AHNAK2: variants seen among roughly 807,000 people sequenced by gnomAD.
AHNAK2 encodes protein AHNAK2.
A neutral mutation model predicts 30.7 loss-of-function variants in AHNAK2; 18 were observed. The ratio of observed to expected loss-of-function variants is 0.59; its 90% CI spans 0.41 to 0.87. The LOEUF (loss-of-function observed/expected upper bound fraction) is 0.87. Among genes scored for constraint, AHNAK2 ranks in the 40% least tolerant of loss-of-function variants. The pLI, the probability that AHNAK2 is intolerant of heterozygous loss-of-function variation, is 0.00. For synonymous variants in AHNAK2, 3,590 were observed against 3,073.8 expected (o/e 1.17, Z -5.56); for missense variants, 8,604 against 7,373.0 (o/e 1.17, Z -6.11).
At chr14:104,965,401 C>CAAAAAAAAAAAAAAAAAAAAAAAAAAAA (rs397853385) in intron 1 of AHNAK2, among the ~76,000 whole-genome samples, 1 of 85,520 alleles carries the variant, frequency 1.2e-5, no homozygotes, top group Non-Finnish European at 2.3e-5. Flanking sequence ...AACTCTGTCT[C>CAAAAAAAAAAAAAAAAAAAAAAAAAAAA]AAAAAAAAAA....
chr14:104,944,403 G>T lies in AHNAK2; in HGVS notation c.11048C>A (p.Thr3683Asn), dbSNP rs770525617. 3.1e-6 allele frequency: 5 copies of T among 1,612,470 alleles called. No homozygotes were observed. The highest frequency in any genetic ancestry group is 2.2e-5 in the South Asian group (2 of 91,020). Residue 3683 changes from threonine (T) to asparagine (N), a missense_variant, in exon 7 of 7, where the codon ACC becomes AAC. Coordinates refer to ENST00000333244, the MANE Select transcript of AHNAK2 (RefSeq NM_138420.4). ...SLPSMQGDLKTTDLSIQPPSA... is the reference protein window; with the variant it reads ...SLPSMQGDLKNTDLSIQPPSA... The stretch of plus-strand genomic sequence containing the variant: ...AGGGGGCTGAATGCTGAGGTCAGTG[G>T]TCTTCAGGTCCCCCTGCATGGAGGG...
Position 104,946,368 on chromosome 14 carries a change from A to T in AHNAK2, c.9083T>A (p.Ile3028Asn), listed in dbSNP as rs371504680. 6.2e-7 allele frequency: 1 copy of T among 1,611,808 alleles called. No homozygotes were observed. The highest frequency in any genetic ancestry group is 1.3e-5 in the African/African-American group (1 of 74,394). ...CTCCAGTTGGGCAGAGGGGGGCTCA[A>T]TGCTGATGTCAGTGGTCTTCAGGTC... ...QGDLKTTDIS[I>N]EPPSAQLEVQ... is the part of the protein sequence containing the mutation. Residue 3028 changes from isoleucine (I) to asparagine (N), a missense_variant, in exon 7 of 7, where the codon ATT becomes AAT. Physicochemically the swap from Ile to Asn is moderately radical, Grantham distance 149 (BLOSUM62 -3). Transcript: ENST00000333244.
At position 104,955,103 on chromosome 14, in the gene AHNAK2, T is replaced by C. The variant is rs756347067; in HGVS notation, c.505A>G (p.Ile169Val). ...LLSTTVFFEN[I>V]KYEDALKILQ... is the part of the protein sequence containing the mutation. ...ATTTTGAGAGCATCTTCATATTTTA[T>C]GTTTTCAAAGAACACGGTTGTACTG... is the stretch of plus-strand genomic sequence containing the variant. Residue 169 changes from isoleucine (I) to valine (V), a missense_variant, in exon 6 of 7, where the codon ATA becomes GTA. By Grantham distance (29) the Ile-to-Val change is conservative. Coordinates refer to ENST00000333244, the MANE Select transcript of AHNAK2 (RefSeq NM_138420.4). 1 of 1,613,146 alleles carries C rather than the reference T, an allele frequency of 6.2e-7. No homozygotes were observed. The highest frequency in any genetic ancestry group is 8.5e-7 in the Non-Finnish European group (1 of 1,179,856).
chr14:104,942,906 C>T lies in AHNAK2; in HGVS notation c.12545G>A (p.Ser4182Asn), dbSNP rs1408063646. Residue 4182 changes from serine (S) to asparagine (N), a missense_variant, in exon 7 of 7, where the codon AGC (serine) becomes AAC (asparagine). Ser to Asn is a conservative substitution (Grantham distance 46, BLOSUM62 1). Transcript: ENST00000333244. Reference protein sequence around the residue: ...MQGDLKTTDLSIQSPSADLEV... With the variant: ...MQGDLKTTDLNIQSPSADLEV... Reference sequence around the variant, plus strand: ...CAGGTCGGCGGAAGGGGACTGAATGCTGAGGTCAGTGGTCTTGAGGTCCCC... The same window carrying T: ...CAGGTCGGCGGAAGGGGACTGAATGTTGAGGTCAGTGGTCTTGAGGTCCCC... 3.7e-6 allele frequency: 6 copies of T among 1,612,924 alleles called. No individual in the cohort carries two copies. Among genetic ancestry groups the T allele is most frequent in the Non-Finnish European group, 5.1e-6 (6 of 1,179,582 alleles).
chr14:104,943,405 G>T lies in AHNAK2; in HGVS notation c.12046C>A (p.Leu4016Ile). 1 of 1,613,214 alleles carries T rather than the reference G, an allele frequency of 6.2e-7. No homozygotes were observed. Residue 4016 changes from leucine to isoleucine, a missense_variant, in exon 7 of 7, where the codon CTC becomes ATC. Leu to Ile is a conservative substitution (Grantham distance 5). Transcript: ENST00000333244. ...SMQGDLKATD[L>I]SVQPPSADLE... ...TCAGCGGAAGGGGGCTGAACGCTGA[G>T]GTCAGTGGCCTTGAGGTCCCCCTGC... is the stretch of plus-strand genomic sequence containing the variant.
Position 104,945,320 on chromosome 14 carries a change from C to G in AHNAK2, c.10131G>C (p.Pro3377=). The change falls in exon 7 of 7, where the codon CCG becomes CCC. Residue 3377 remains proline (P), a synonymous_variant. Transcript: ENST00000333244. ...CAGCTCCCTCGGGCACGTGGCCCTC[C>G]GGGAGCTTCACGTCCACCTGGCCAG... ...VQAGQVDVKL[P]EGHVPEGAGL... 6.2e-7 allele frequency: 1 copy of G among 1,610,820 alleles called. No individual in the cohort carries two copies. Among genetic ancestry groups the G allele is most frequent in the Non-Finnish European group, 8.5e-7 (1 of 1,178,778 alleles).
Position 104,949,780 on chromosome 14 carries a change from G to A in AHNAK2, c.5671C>T (p.Leu1891Phe). 3.1e-6 allele frequency: 5 copies of A among 1,587,746 alleles called. No homozygotes were observed. The highest frequency in any genetic ancestry group is 1.7e-4 in the Middle Eastern group (1 of 6,028). ...CCCTCGGGCACCTGGCCCTCCGGGA[G>A]CTTCATGTCCACTTGGCCAGCCTGG... ...VVQAGQVDMK[L>F]PEGQVPEGAG... Residue 1891 changes from leucine to phenylalanine, a missense_variant, in exon 7 of 7, where the codon CTC becomes TTC. Transcript: ENST00000333244.
chr14:104,962,087 A>T (rs1401544571), intron 1 of AHNAK2, among the ~76,000 whole-genome samples: 3 of 152,246 alleles, frequency 2.0e-5, no homozygotes, highest in Admixed American at 1.3e-4. Context: ...GGAGATTCTA[A>T]CACTCTTAGG....
chr14:104,962,476 A>G (rs142521279), intron 1 of AHNAK2, among the ~76,000 whole-genome samples: 5,488 of 152,280 alleles, frequency 0.036, 98 homozygotes, highest in Middle Eastern at 0.088. Flanking sequence ...CTCAGGCTGG[A>G]ATGCAGTGGC....
rs1898979013 is a variant in AHNAK2, at chr14:104,956,533, T to C, written c.315+55A>G. ...CTGCTCTGACCTCGGACTCTCTGGC[T>C]GGATCCCTTGAGGACCGACACACCT... is the stretch of plus-strand genomic sequence containing the variant. On this transcript the variant is annotated intron_variant, in intron 4 of 6. Coordinates refer to ENST00000333244, the MANE Select transcript of AHNAK2 (RefSeq NM_138420.4). 5.7e-6 allele frequency: 9 copies of C among 1,579,434 alleles called. No homozygotes were observed. In the South Asian group the frequency reaches 7.7e-5, roughly 14 times the overall value.
chr14:104,946,648 G>C lies in AHNAK2; in HGVS notation c.8803C>G (p.Pro2935Ala). The change falls in exon 7 of 7, where the codon CCC becomes GCC. Residue 2935 changes from proline (P) to alanine (A), a missense_variant. Physicochemically the swap from Pro to Ala is conservative, Grantham distance 27. Transcript: ENST00000333244. ...CTGGGCAGAGACACCTCCACGTCGG[G>C]GGCCGTCACCTCCGCCTTGGGGCCT... is the stretch of plus-strand genomic sequence containing the variant. ...LKGPKAEVTA[P>A]DVEVSLPSVE... is the part of the protein sequence containing the mutation. 1 of 1,612,810 alleles carries C rather than the reference G, an allele frequency of 6.2e-7. No individual in the cohort carries two copies. The highest frequency in any genetic ancestry group is 8.5e-7 in the Non-Finnish European group (1 of 1,179,678).
rs767710685 is a variant in AHNAK2, at chr14:104,943,264, T to C, written c.12187A>G (p.Lys4063Glu). 6 of 1,612,796 alleles carry C rather than the reference T, an allele frequency of 3.7e-6. No individual in the cohort carries two copies. The highest frequency in any genetic ancestry group is 2.2e-5 in the South Asian group (2 of 91,044). The stretch of plus-strand genomic sequence containing the variant: ...ATCTGGGGGCCCTTGAGGTCCACTT[T>C]GGGCATCTTGAAACTGGGCATCTGC... ...KVQMPSFKMP[K>E]VDLKGPQIDV... Residue 4063 changes from lysine (K) to glutamate (E), a missense_variant, in exon 7 of 7, where the codon AAA becomes GAA. Transcript: ENST00000333244.
rs376774117 is a variant in AHNAK2 at position 104,949,067 on chromosome 14, G to C, written c.6384C>G (p.Ala2128=). Residue 2128 remains alanine (A), a synonymous_variant, in exon 7 of 7, where the codon GCC becomes GCG. Coordinates refer to ENST00000333244, the MANE Select transcript of AHNAK2 (RefSeq NM_138420.4). ...SMEVDVQAPR[A]KLDSAHLQGD... is the part of the protein sequence containing the mutation. ...CCTGCAGATGCGCACTATCCAGCTT[G>C]GCTCTTGGGGCCTGGACGTCCACCT... 3 of 1,068,664 alleles carry C rather than the reference G, an allele frequency of 2.8e-6. No individual in the cohort carries two copies. The African/African-American group carries it at 4.2e-5, about 15-fold the overall frequency. 66.2% of individuals were successfully genotyped at this position (1,068,664 alleles called of 1,614,324 possible).
rs2140868655 is a variant in AHNAK2, at chr14:104,954,959, CCTT to C, written c.646_648del (p.Lys216del). 2 of 1,611,640 alleles carry C rather than the reference CCTT, an allele frequency of 1.2e-6. No homozygotes were observed. The highest frequency in any genetic ancestry group is 1.3e-5 in the African/African-American group (1 of 75,000). Reference sequence around the variant, plus strand: ...CCCCCCGGGCATAGTGGTCTCACCTCCTTCTCCTTGCCCTGTGGGCCGTGCTGG... The same window carrying C: ...CCCCCCGGGCATAGTGGTCTCACCTCCTCCTTGCCCTGTGGGCCGTGCTGG... On this transcript the variant is annotated inframe_deletion, in exon 6 of 7. Coordinates refer to ENST00000333244, the MANE Select transcript of AHNAK2 (RefSeq NM_138420.4). This position sits in a 1 kb window ranked among gnomAD's most constrained non-coding sequence, Gnocchi z 4.3.
rs919734831 is a variant in AHNAK2 at position 104,953,944 on chromosome 14, C to T, written c.1507G>A (p.Glu503Lys). 1.9e-6 allele frequency: 3 copies of T among 1,613,988 alleles called. No homozygotes were observed. The highest frequency in any genetic ancestry group is 2.5e-6 in the Non-Finnish European group (3 of 1,179,886). ...KFAFSTEKEP[E>K]RERRLSTPQR... is the part of the protein sequence containing the mutation. The stretch of plus-strand genomic sequence containing the variant: ...GGGGTACTAAGGCGCCTTTCTCTTT[C>T]TGGCTCTTTTTCTGTGGAAAATGCA... The change falls in exon 7 of 7, where the codon GAA becomes AAA. Residue 503 changes from glutamate (E) to lysine (K), a missense_variant. Transcript: ENST00000333244.
In AHNAK2 at chr14:104,953,711, T is replaced by G. The variant is rs760774972; in HGVS notation, c.1740A>C (p.Ile580=). The G allele has an allele frequency of 6.2e-7, 1 of 1,613,992 alleles. No individual in the cohort carries two copies. The highest frequency in any genetic ancestry group is 8.5e-7 in the Non-Finnish European group (1 of 1,179,886). ...DKGREDTEGQ[I]RMPKFKIPSL... ...AGGGTATCTTGAACTTGGGCATTCT[T>G]ATCTGTCCTTCTGTGTCTTCCCTGC... The change falls in exon 7 of 7, where the codon ATA becomes ATC. Residue 580 remains isoleucine, a synonymous_variant. Coordinates refer to ENST00000333244, the MANE Select transcript of AHNAK2 (RefSeq NM_138420.4).
In AHNAK2 at chr14:104,939,614, C is replaced by T. The variant is rs1436630700; in HGVS notation, c.15837G>A (p.Lys5279=). 6.2e-7 allele frequency: 1 copy of T among 1,613,904 alleles called. No individual in the cohort carries two copies. The highest frequency in any genetic ancestry group is 8.5e-7 in the Non-Finnish European group (1 of 1,179,900). The change falls in exon 7 of 7, where the codon AAG becomes AAA. Residue 5279 remains lysine (K), a synonymous_variant. Coordinates refer to ENST00000333244, the MANE Select transcript of AHNAK2 (RefSeq NM_138420.4). ...TCATCCCAGCAGTGGAGAGGTGCAG[C>T]TTCAAGCCTGTGCTGTCAAGATCAC... The part of the protein sequence containing the change: ...LRCDLDSTGL[K]LHLSTAGMTG...
intron 1 of AHNAK2, 49 bp downstream of exon 1, chr14:104,978,134 G>T (rs1899644038): frequency 8.3e-6 from 10 of 1,203,804 alleles, no homozygotes; most frequent in Non-Finnish European, 1.0e-5. Flanking sequence ...GCCCTCGCGC[G>T]TAGCCCACCC....
rs527999026 is a variant in AHNAK2, at chr14:104,966,149, G to A, written c.56-8477C>T. On this transcript the variant is annotated intron_variant, in intron 1 of 6. Transcript: ENST00000333244. This position sits in a 1 kb window ranked among gnomAD's most constrained non-coding sequence, Gnocchi z 4.3. ...GGAGGTTCTCTCAAGCGAAGGAAGA[G>A]AAGGGCAGGAGGTGAGGGCAGGCAG... 6.6e-6 allele frequency among the ~76,000 whole-genome samples: 1 copy of A among 152,306 alleles called. No homozygotes were observed. Among genetic ancestry groups the A allele is most frequent in the East Asian group, 1.9e-4 (1 of 5,178 alleles).
Sources: gnomAD v4.1 joint callset for allele counts (sites outside exome capture counted in the v4.1 genomes callset) on GRCh38, gnomAD v4.1.1 for gene constraint, Gnocchi (gnomAD v3.1) non-coding constraint, MANE v1.5 for transcripts, NCBI Gene and HGNC (gene_info 2026-07-23, HGNC 2026-07-21) for gene names.